Variants in CFAP44 observed in about 807,000 individuals in gnomAD.
The protein encoded by CFAP44 is cilia and flagella associated protein 44.
A neutral mutation model predicts 216.2 loss-of-function variants in CFAP44; 134 were observed. The observed-to-expected ratio is 0.62, with a 90% CI of 0.54 to 0.72. The LOEUF (loss-of-function observed/expected upper bound fraction) is 0.72, where lower values mean the gene tolerates loss of function less well. Among genes scored for constraint, CFAP44 ranks in the 30% least tolerant of loss-of-function variants. CFAP44 has a pLI of 0.00. For synonymous variants in CFAP44, 700 were observed against 727.6 expected (o/e 0.96, Z 0.61); for missense variants, 2,035 against 2,182.1 (o/e 0.93, Z 1.34).
At chr3:113,380,090 GGTTA>G (rs1476306069) in intron 16 of CFAP44, among the ~76,000 whole-genome samples, 3 of 152,020 alleles carry the variant, frequency 2.0e-5, no homozygotes, top group Admixed American at 6.6e-5. Flanking sequence ...ACAATGTGCA[GGTTA>G]GTTACATATG....
At chr3:113,323,727 T>A (rs974778315) in intron 28 of CFAP44, among the ~76,000 whole-genome samples, 2 of 152,122 alleles carry the variant, frequency 1.3e-5, no homozygotes, top group African/African-American at 4.8e-5. Context: ...AACCACAAAC[T>A]ACCATGACTC....
chr3:113,422,405 A>G (rs1279357877), intron 4 of CFAP44, among the ~76,000 whole-genome samples: 1 of 152,238 alleles, frequency 6.6e-6, no homozygotes, highest in Non-Finnish European at 1.5e-5. Context: ...TGCAATTTAA[A>G]TTGTGAAATA....
intron 16 of CFAP44, among the ~76,000 whole-genome samples, chr3:113,379,889 A>G (rs1933459403): frequency 6.6e-6 from 1 of 152,200 alleles, no homozygotes; most frequent in Non-Finnish European, 1.5e-5. Flanking sequence ...AGTTGCTTCC[A>G]ACTTCAGTAA....
chr3:113,427,107 T>C, intron 3 of CFAP44, 80 bp downstream of exon 3: 2 of 1,449,194 alleles, frequency 1.4e-6, no homozygotes, highest in South Asian at 1.2e-5. Context: ...TTTCTTTCTA[T>C]GGATTTATAA....
intron 15 of CFAP44, among the ~76,000 whole-genome samples, chr3:113,388,387 A>G (rs1933707113): frequency 6.6e-6 from 1 of 152,230 alleles, no homozygotes; most frequent in Non-Finnish European, 1.5e-5. Context: ...CTTCAATGAA[A>G]AAAACATACA....
chr3:113,376,114 A>AT (rs1933336418), intron 17 of CFAP44, among the ~76,000 whole-genome samples: 1 of 152,194 alleles, frequency 6.6e-6, no homozygotes, highest in Admixed American at 6.5e-5. Flanking sequence ...AAGCCTAACC[A>AT]TATACTGTTT....
intron 21 of CFAP44, among the ~76,000 whole-genome samples, chr3:113,359,091 C>G (rs1444490358): frequency 6.6e-6 from 1 of 152,136 alleles, no homozygotes; most frequent in African/African-American, 2.4e-5. Context: ...TAAAGCTACA[C>G]AGTTTAAGAT....
intron 6 of CFAP44, among the ~76,000 whole-genome samples, chr3:113,412,456 T>G (rs1934511652): frequency 2.0e-5 from 3 of 152,108 alleles, no homozygotes; most frequent in Non-Finnish European, 4.4e-5. Context: ...GCAAGTTTGT[T>G]ACATAGGTAT....
chr3:113,408,957 G>T, intron 7 of CFAP44, 149 bp downstream of exon 7: 1 of 518,880 alleles, frequency 1.9e-6, no homozygotes, highest in Non-Finnish European at 3.1e-6. Context: ...TTACTAGTTA[G>T]CTTTTAAAAT....
intron 22 of CFAP44, among the ~76,000 whole-genome samples, chr3:113,357,243 A>G (rs1950500150): frequency 6.6e-6 from 1 of 152,168 alleles, no homozygotes; most frequent in Non-Finnish European, 1.5e-5. Context: ...TGTCCCCCCA[A>G]AAAGCTATGT....
chr3:113,387,631 A>G (rs1438446577), intron 15 of CFAP44, among the ~76,000 whole-genome samples: 5 of 151,932 alleles, frequency 3.3e-5, no homozygotes, highest in Non-Finnish European at 7.4e-5. Context: ...TGTGGTGGCT[A>G]TGAGGAAGGA....
At chr3:113,409,053 A>T in intron 7 of CFAP44, 53 bp downstream of exon 7, 1 of 999,312 alleles carries the variant, frequency 1.0e-6, no homozygotes, top group Non-Finnish European at 1.5e-6. Flanking sequence ...AGATCCTCTT[A>T]GAAAAATACT....
intron 24 of CFAP44, among the ~76,000 whole-genome samples, chr3:113,334,929 C>T (rs776576526): frequency 5.3e-5 from 8 of 152,154 alleles, no homozygotes; most frequent in Non-Finnish European, 7.3e-5. Flanking sequence ...AGCGTGTACA[C>T]ATAGCTCTCA....
At chr3:113,305,010 T>C in intron 31 of CFAP44, 26 bp downstream of exon 31, 1 of 1,532,106 alleles carries the variant, frequency 6.5e-7, no homozygotes, top group Non-Finnish European at 8.8e-7. Flanking sequence ...TCGGACAGGA[T>C]GGAGCAGCCT....
intron 31 of CFAP44, 51 bp downstream of exon 31, chr3:113,304,985 G>A: frequency 6.8e-7 from 1 of 1,474,180 alleles, no homozygotes; most frequent in East Asian, 2.5e-5. Context: ...AAAAGCTTGG[G>A]TGTGATGACT....
At chr3:113,314,096 T>C (rs1278702538) in intron 28 of CFAP44, among the ~76,000 whole-genome samples, 1 of 152,170 alleles carries the variant, frequency 6.6e-6, no homozygotes, top group East Asian at 1.9e-4. Flanking sequence ...ATCTAATATT[T>C]ATGCCATCAG....
At chr3:113,415,252 C>G (rs914005932) in intron 6 of CFAP44, among the ~76,000 whole-genome samples, 1 of 151,602 alleles carries the variant, frequency 6.6e-6, no homozygotes, top group Non-Finnish European at 1.5e-5. Context: ...TTCTTCTCTT[C>G]CTTCTTCCTT....
At chr3:113,413,106 G>C (rs902701686) in intron 6 of CFAP44, among the ~76,000 whole-genome samples, 6 of 152,062 alleles carry the variant, frequency 3.9e-5, no homozygotes, top group Admixed American at 1.3e-4. Flanking sequence ...GTTTTGATTT[G>C]CATTTCTCTG....
intron 33 of CFAP44, 81 bp from the exon 34 acceptor site, chr3:113,294,902 A>C: frequency 7.0e-7 from 1 of 1,423,368 alleles, no homozygotes; most frequent in Non-Finnish European, 9.2e-7. Context: ...ATTTGGTCAA[A>C]ATCATCAGGC....
Sources: allele counts gnomAD v4.1 joint callset (sites outside exome capture counted in the v4.1 genomes callset), GRCh38; gene constraint gnomAD v4.1.1; transcripts MANE v1.5; gene names NCBI Gene and HGNC (gene_info 2026-07-23, HGNC 2026-07-21).